The following ARHGAP39 variants were observed in gnomAD, a reference collection of about 807,000 sequenced individuals.
ARHGAP39 encodes rho GTPase-activating protein 39.
A neutral mutation model predicts 106.9 loss-of-function variants in ARHGAP39; 44 were observed. The observed-to-expected ratio is 0.41, with a 90% CI of 0.32 to 0.53. The LOEUF (loss-of-function observed/expected upper bound fraction) is 0.53, where lower values mean the gene tolerates loss of function less well. Ranked by LOEUF, ARHGAP39 falls within the 20% of genes least tolerant of loss-of-function variation. ARHGAP39 has a pLI of 0.21. For missense variants in ARHGAP39, 1,496 were observed against 1,577.3 expected (o/e 0.95, Z 0.87); for synonymous variants, 768 against 693.2 (o/e 1.11, Z -1.69).
In ARHGAP39 at chr8:144,644,647, C is replaced by T. The variant is rs867239107; in HGVS notation, c.-81-38952G>A. On this transcript the variant is annotated intron_variant, in intron 1 of 11. Transcript: ENST00000377307. The surrounding 1 kb of genome is among the most constrained non-coding windows in gnomAD (Gnocchi z 4.8). ...GCTCTGAGTCACTTGAAGCGGCATC[C>T]GAGGCCTTCTCTCACTACAGGCCCT... 6.6e-6 allele frequency among the ~76,000 whole-genome samples: 1 copy of T among 152,210 alleles called. No homozygotes were observed. Among genetic ancestry groups the T allele is most frequent in the Non-Finnish European group, 1.5e-5 (1 of 68,042 alleles).
rs781651492 is a variant in ARHGAP39, at chr8:144,545,382, G to C, written c.2388C>G (p.Phe796Leu). The change falls in exon 6 of 12, where the codon TTC (phenylalanine) becomes TTG (leucine). Residue 796 changes from phenylalanine to leucine, a missense_variant. Coordinates refer to ENST00000377307, the MANE Select transcript of ARHGAP39 (RefSeq NM_025251.3). The part of the protein sequence containing the change: ...IQLCRQTTEN[F>L]RLESLARGWE... ...AGCCGCGGGCCAGGCTCTCCAGGCG[G>C]AAGTTCTCGGTGGTCTGCCGGCACA... 1.4e-5 allele frequency: 22 copies of C among 1,598,968 alleles called. No homozygotes were observed. In the Admixed American group the frequency reaches 1.7e-4, roughly 12 times the overall value.
chr8:144,561,841 C>CCAGTGGTT (rs1337634315), intron 3 of ARHGAP39, among the ~76,000 whole-genome samples: 1 of 147,748 alleles, frequency 6.8e-6, no homozygotes, highest in Non-Finnish European at 1.5e-5. Flanking sequence ...CCATCGGGCT[C>CCAGTGGTT]CAGTGGTTTC....
At position 144,537,709 on chromosome 8, in the gene ARHGAP39, G is replaced by A. The variant is rs145607062; in HGVS notation, c.2614+12C>T. On this transcript the variant is annotated intron_variant, in intron 7 of 11. Coordinates refer to ENST00000377307, the MANE Select transcript of ARHGAP39 (RefSeq NM_025251.3). ...AGACGCCGCGCCCAGGGGCTGCGGG[G>A]AGAGGCCCTACCATCCGGCTCTTCA... The A allele has an allele frequency of 1.3e-3, 2,157 of 1,612,984 alleles. 35 individuals carry two copies. In the African/African-American group the frequency reaches 0.024, roughly 18 times the overall value.
rs140287254 is a variant in ARHGAP39, at chr8:144,574,769, T to C, written c.512+6077A>G. ...AGCTACTCAAGAGGCTGAGGTAGGA[T>C]TGCTTGAGCCTGGGAGTTGAAGGCT... On this transcript the variant is annotated intron_variant, in intron 3 of 11. Coordinates refer to ENST00000377307, the MANE Select transcript of ARHGAP39 (RefSeq NM_025251.3). 6.8e-4 allele frequency among the ~76,000 whole-genome samples: 103 copies of C among 152,338 alleles called. No homozygotes were observed. The East Asian group carries it at 0.011, about 17-fold the overall frequency.
At chr8:144,592,071 A>G (rs575527282) in intron 2 of ARHGAP39, among the ~76,000 whole-genome samples, 9 of 152,356 alleles carry the variant, frequency 5.9e-5, no homozygotes, top group African/African-American at 2.2e-4. Flanking sequence ...ATGCCCTAAA[A>G]GAAGTAATAC....
rs779000818 is a variant in ARHGAP39 at position 144,545,757 on chromosome 8, G to C, written c.2013C>G (p.Ser671Arg). The C allele has an allele frequency of 6.2e-7, 1 of 1,606,270 alleles. No homozygotes were observed. Among genetic ancestry groups the C allele is most frequent in the African/African-American group, 1.3e-5 (1 of 74,972 alleles). The part of the protein sequence containing the change: ...AQFESSRQSR[S>R]GVPSSSCVFP... ...AGACGCAGCTGGAGCTGGGAACGCC[G>C]CTGCGGCTCTGCCGGCTGCTCTCGA... The change falls in exon 6 of 12, where the codon AGC becomes AGG. Residue 671 changes from serine (S) to arginine (R), a missense_variant. Ser to Arg is a moderately radical substitution (Grantham distance 110). Coordinates refer to ENST00000377307, the MANE Select transcript of ARHGAP39 (RefSeq NM_025251.3).
chr8:144,545,821 C>T lies in ARHGAP39; in HGVS notation c.1960-11G>A. ...AGCGAGGTCCTCAGACTGAGAAGGA[C>T]AAATGCGGCTGGGCTGTTGGGGGTG... On this transcript the variant is annotated splice_polypyrimidine_tract_variant and intron_variant, in intron 5 of 11. Transcript: ENST00000377307. The T allele has an allele frequency of 2.7e-6, 3 of 1,124,750 alleles. No individual in the cohort carries two copies. The highest frequency in any genetic ancestry group is 3.7e-6 in the Non-Finnish European group (3 of 803,120). The allele number at this position is 1,124,750 out of a possible 1,614,324, so 69.7% of individuals were successfully genotyped here. A position where few individuals can be genotyped will look rare whatever the true frequency, so the allele number is the denominator to read the frequency against.
At position 144,548,509 on chromosome 8, in the gene ARHGAP39, G is replaced by A; in HGVS notation, c.597-20C>T. On this transcript the variant is annotated intron_variant, in intron 4 of 11. Transcript: ENST00000377307. The surrounding 1 kb of genome is among the most constrained non-coding windows in gnomAD (Gnocchi z 7.4). ...GAGGTCCTGCGTGGGGGGTGGACGG[G>A]CACAGGTGACTGCCTGCCTGCTGCT... The A allele has an allele frequency of 1.2e-6, 2 of 1,600,136 alleles. No homozygotes were observed. Among genetic ancestry groups the A allele is most frequent in the African/African-American group, 1.3e-5 (1 of 74,898 alleles).
At chr8:144,560,291 C>T (rs1051204046) in intron 3 of ARHGAP39, among the ~76,000 whole-genome samples, 24 of 152,034 alleles carry the variant, frequency 1.6e-4, no homozygotes, top group Admixed American at 4.6e-4. Context: ...AATAAGTAGC[C>T]GGGTGTGGTG....
At chr8:144,599,688 G>A (rs1409851272) in intron 2 of ARHGAP39, among the ~76,000 whole-genome samples, 2 of 152,160 alleles carry the variant, frequency 1.3e-5, no homozygotes, top group African/African-American at 2.4e-5. Flanking sequence ...TGAAAGTAAT[G>A]AACCAACGGA....
intron 1 of ARHGAP39, among the ~76,000 whole-genome samples, chr8:144,614,386 T>G (rs1331458301): frequency 6.6e-6 from 1 of 151,402 alleles, no homozygotes; most frequent in East Asian, 1.9e-4. Context: ...GGAGTCTCGC[T>G]CTGCCACCCA....
chr8:144,673,094 A>G (rs1436775226), intron 1 of ARHGAP39, among the ~76,000 whole-genome samples: 3 of 152,000 alleles, frequency 2.0e-5, no homozygotes, highest in Admixed American at 6.6e-5. Context: ...ACATGCACCT[A>G]TTGTTCCAGC....
chr8:144,614,174 A>G (rs1021131894), intron 1 of ARHGAP39, among the ~76,000 whole-genome samples: 1 of 152,164 alleles, frequency 6.6e-6, no homozygotes, highest in Non-Finnish European at 1.5e-5. Flanking sequence ...TACAGTTATA[A>G]TAATTACTTT....
intron 1 of ARHGAP39, among the ~76,000 whole-genome samples, chr8:144,661,395 AG>A (rs1821818512): frequency 6.6e-6 from 1 of 152,164 alleles, no homozygotes; most frequent in African/African-American, 2.4e-5. Context: ...TCCTTCTAAC[AG>A]GAACAGCACC....
At chr8:144,607,092 G>C (rs771051007) in intron 1 of ARHGAP39, among the ~76,000 whole-genome samples, 20 of 151,574 alleles carry the variant, frequency 1.3e-4, no homozygotes, top group Non-Finnish European at 5.9e-5. Context: ...GGCCACATCA[G>C]ACATATTAAA....
chr8:144,535,676 T>C (rs1329370546), intron 7 of ARHGAP39, among the ~76,000 whole-genome samples: 5 of 152,222 alleles, frequency 3.3e-5, no homozygotes, highest in Non-Finnish European at 1.5e-5. Context: ...AGACAGGCCC[T>C]GATCTCCTGT....
At chr8:144,566,335 A>T (rs1004442866) in intron 3 of ARHGAP39, among the ~76,000 whole-genome samples, 1 of 151,646 alleles carries the variant, frequency 6.6e-6, no homozygotes, top group Non-Finnish European at 1.5e-5. Flanking sequence ...GGGCCGAGGC[A>T]GGTGGATCGC....
rs1563704187 is a variant in ARHGAP39 at position 144,605,665 on chromosome 8, C to CAACGCCAGCATCAGACGGGAA, written c.-72_-52dup. On this transcript the variant is annotated 5_prime_UTR_variant, in exon 2 of 12. The change creates a new upstream start codon in the 5' untranslated region. Coordinates refer to ENST00000377307, the MANE Select transcript of ARHGAP39 (RefSeq NM_025251.3). ...GACAGACGTCAGGGCACCATACGCA[C>CAACGCCAGCATCAGACGGGAA]AACGCCAGCATCAGACGGGAAGGTG... 3.2e-6 allele frequency: 5 copies of CAACGCCAGCATCAGACGGGAA among 1,579,732 alleles called. No homozygotes were observed. In the Admixed American group the frequency reaches 8.3e-5, roughly 26 times the overall value.
In ARHGAP39 at chr8:144,614,075, G is replaced by A. The variant is rs999854545; in HGVS notation, c.-81-8380C>T. 4.6e-5 allele frequency among the ~76,000 whole-genome samples: 7 copies of A among 152,212 alleles called. No individual in the cohort carries two copies. The East Asian group carries it at 5.8e-4, about 13-fold the overall frequency. On this transcript the variant is annotated intron_variant, in intron 1 of 11. Transcript: ENST00000377307. Reference sequence around the variant, plus strand: ...GCATATTTTGTACTTGGACATTTTCGTTTCAACTCTAATTTGGATCTTTTA... The same window carrying A: ...GCATATTTTGTACTTGGACATTTTCATTTCAACTCTAATTTGGATCTTTTA...
Sources: allele counts gnomAD v4.1 joint callset (sites outside exome capture counted in the v4.1 genomes callset), GRCh38; gene constraint gnomAD v4.1.1; non-coding constraint Gnocchi (gnomAD v3.1); transcripts MANE v1.5; gene names NCBI Gene and HGNC (gene_info 2026-07-23, HGNC 2026-07-21).